NDC1: variants seen among roughly 807,000 people sequenced by gnomAD.
NDC1 encodes the protein NDC1 transmembrane nucleoporin.
Under a neutral mutation model 89.8 loss-of-function variants are expected in NDC1, and 24 were observed. That is an observed-to-expected ratio of 0.27 (90% CI 0.19 to 0.38). The LOEUF is 0.38. Among genes scored for constraint, NDC1 ranks in the 10% least tolerant of loss-of-function variants. The pLI is 1.00. For missense variants in NDC1, 728 were observed against 797.6 expected (o/e 0.91, Z 1.05); for synonymous variants, 296 against 284.8 (o/e 1.04, Z -0.39).
chr1:53,832,686 C>A, intron 2 of NDC1, 95 bp from the exon 3 acceptor site: 1 of 641,554 alleles, frequency 1.6e-6, no homozygotes, highest in South Asian at 2.0e-5. Context: ...CCACAATTGT[C>A]ATTAATTTTA....
At chr1:53,827,117 G>A (rs1648890387) in intron 4 of NDC1, among the ~76,000 whole-genome samples, 1 of 151,970 alleles carries the variant, frequency 6.6e-6, no homozygotes, top group East Asian at 1.9e-4. Flanking sequence ...ACCAAAGAAA[G>A]CCTATGATAT....
At chr1:53,791,574 C>T (rs1647505893) in intron 14 of NDC1, among the ~76,000 whole-genome samples, 1 of 152,190 alleles carries the variant, frequency 6.6e-6, no homozygotes, top group Non-Finnish European at 1.5e-5. Flanking sequence ...CAAATGCTGT[C>T]TTTGGTTATG....
intron 14 of NDC1, 78 bp downstream of exon 14, chr1:53,793,151 T>A (rs1407968791): frequency 8.0e-7 from 1 of 1,244,134 alleles, no homozygotes; most frequent in Admixed American, 1.8e-5. Context: ...TATTTACAAG[T>A]CAGATCCTAT....
At chr1:53,793,722 G>T (rs1647601039) in intron 13 of NDC1, among the ~76,000 whole-genome samples, 1 of 151,984 alleles carries the variant, frequency 6.6e-6, no homozygotes, top group Non-Finnish European at 1.5e-5. Context: ...CTCCTGGGTA[G>T]CTGGGAATAC....
At chr1:53,819,625 A>AATGC (rs1288347767) in intron 5 of NDC1, among the ~76,000 whole-genome samples, 1 of 152,258 alleles carries the variant, frequency 6.6e-6, no homozygotes, top group Non-Finnish European at 1.5e-5. Context: ...TCTTAAAGAT[A>AATGC]ATGCATACTG....
chr1:53,774,864 C>T (rs562032438), intron 16 of NDC1, among the ~76,000 whole-genome samples: 1 of 152,200 alleles, frequency 6.6e-6, no homozygotes, highest in East Asian at 1.9e-4. Flanking sequence ...GTACTCGAGC[C>T]TGGGCAACAG....
intron 6 of NDC1, 38 bp downstream of exon 6, chr1:53,818,933 G>A (rs1557585743): frequency 2.2e-6 from 2 of 921,660 alleles, no homozygotes; most frequent in Non-Finnish European, 1.7e-6. Flanking sequence ...TGGGCTATGA[G>A]ATAATATATC....
At chr1:53,781,181 T>A (rs1647204082) in intron 16 of NDC1, among the ~76,000 whole-genome samples, 1 of 152,074 alleles carries the variant, frequency 6.6e-6, no homozygotes, top group South Asian at 2.1e-4. Context: ...ATAAAATATA[T>A]CATTTTGGTT....
intron 4 of NDC1, among the ~76,000 whole-genome samples, chr1:53,826,959 T>C (rs1488226706): frequency 6.6e-6 from 1 of 152,214 alleles, no homozygotes; most frequent in Non-Finnish European, 1.5e-5. Flanking sequence ...TTCTGCTCCC[T>C]GGAACTTCAC....
chr1:53,798,138 T>TTTATTATTATTATTATTA (rs71063883), intron 11 of NDC1, among the ~76,000 whole-genome samples: 1 of 133,022 alleles, frequency 7.5e-6, no homozygotes, highest in African/African-American at 2.8e-5. Context: ...CCATCTTCTT[T>TTTATTATTATTATTATTA]TTATTATTAT....
rs1350117276 is a variant in NDC1 at position 53,765,678 on chromosome 1, T to C, written c.*2292A>G. On this transcript the variant is annotated 3_prime_UTR_variant, in exon 18 of 18. Transcript: ENST00000371429. ...TATTTCTAGGACAATTTCCCAGTTCTCTGGGAAGGAAGTTCTGTGGATTTA... is the reference window on the plus strand; with the variant it reads ...TATTTCTAGGACAATTTCCCAGTTCCCTGGGAAGGAAGTTCTGTGGATTTA... 6.6e-6 allele frequency: 1 copy of C among 152,174 alleles called. No individual in the cohort carries two copies. Among genetic ancestry groups the C allele is most frequent in the Non-Finnish European group, 1.5e-5 (1 of 68,034 alleles). 9.4% of individuals were successfully genotyped at this position (152,174 alleles called of 1,614,324 possible). A position where few individuals can be genotyped will look rare whatever the true frequency, so the allele number is the denominator to read the frequency against.
intron 8 of NDC1, among the ~76,000 whole-genome samples, chr1:53,807,071 C>T (rs1648132243): frequency 6.6e-6 from 1 of 151,434 alleles, no homozygotes; most frequent in African/African-American, 2.4e-5. Context: ...ATGGTGAAAC[C>T]CTGTCTCTAC....
chr1:53,769,781 G>T (rs1042083022), intron 17 of NDC1, among the ~76,000 whole-genome samples: 5 of 152,170 alleles, frequency 3.3e-5, no homozygotes, highest in African/African-American at 4.8e-5. Flanking sequence ...AACCAAGTGG[G>T]TGTGAGAATG....
Position 53,809,712 on chromosome 1 carries a change from C to T in NDC1, c.738G>A (p.Met246Ile). 6.2e-7 allele frequency: 1 copy of T among 1,611,618 alleles called. No homozygotes were observed. The highest frequency in any genetic ancestry group is 8.5e-7 in the Non-Finnish European group (1 of 1,177,968). ...TCACTTACTCATCTATGTGAAGGTT[C>T]ATAGCAGTGCTAATCCAAGCTTTGG... ...YIPKAWISTA[M>I]NLHIDEQVHR... The change falls in exon 7 of 18, where the codon ATG becomes ATA. Residue 246 changes from methionine (M) to isoleucine (I), a missense_variant. Coordinates refer to ENST00000371429, the MANE Select transcript of NDC1 (RefSeq NM_018087.5).
intron 17 of NDC1, among the ~76,000 whole-genome samples, chr1:53,771,562 T>A (rs552139211): frequency 4.6e-5 from 7 of 152,296 alleles, no homozygotes; most frequent in African/African-American, 1.4e-4. Context: ...ACTAAACACA[T>A]GTAGTTATTA....
At chr1:53,835,364 A>G (rs1302251745) in intron 2 of NDC1, 136 bp downstream of exon 2, 2 of 568,702 alleles carry the variant, frequency 3.5e-6, no homozygotes, top group Non-Finnish European at 5.9e-6. Context: ...ACATCTTAAA[A>G]TTATCTCAAA....
At chr1:53,774,197 C>T (rs1368673942) in intron 16 of NDC1, among the ~76,000 whole-genome samples, 1 of 152,162 alleles carries the variant, frequency 6.6e-6, no homozygotes, top group African/African-American at 2.4e-5. Context: ...TTCAGTCTGC[C>T]ACGGTAACTT....
chr1:53,835,278 G>A (rs972174350), intron 2 of NDC1, among the ~76,000 whole-genome samples: 2 of 152,012 alleles, frequency 1.3e-5, no homozygotes, highest in Non-Finnish European at 2.9e-5. Context: ...TGATCTTTTC[G>A]TTCCTATGAT....
At chr1:53,831,795 T>A (rs1261921957) in intron 3 of NDC1, among the ~76,000 whole-genome samples, 1 of 152,004 alleles carries the variant, frequency 6.6e-6, no homozygotes, top group Non-Finnish European at 1.5e-5. Flanking sequence ...TCTCAAGGAA[T>A]CTGAAAAGGC....
Sources: gnomAD v4.1 joint callset for allele counts (sites outside exome capture counted in the v4.1 genomes callset) on GRCh38, gnomAD v4.1.1 for gene constraint, MANE v1.5 for transcripts, NCBI Gene and HGNC (gene_info 2026-07-23, HGNC 2026-07-21) for gene names.